ITGA10: variants seen among roughly 807,000 people sequenced by gnomAD.
ITGA10 encodes integrin alpha-10.
Under a neutral mutation model 145.2 loss-of-function variants are expected in ITGA10, and 105 were observed. The observed-to-expected ratio is 0.72, with a 90% CI of 0.62 to 0.85. ITGA10 has a LOEUF of 0.85. Among genes scored for constraint, ITGA10 ranks in the 40% least tolerant of loss-of-function variants. ITGA10 has a pLI of 0.00. For synonymous variants in ITGA10, 506 were observed against 557.8 expected (o/e 0.91, Z 1.31); for missense variants, 1,317 against 1,444.5 (o/e 0.91, Z 1.43).
intron 1 of ITGA10, among the ~76,000 whole-genome samples, chr1:145,908,372 CAT>C (rs1553752094): frequency 2.6e-5 from 4 of 152,170 alleles, no homozygotes; most frequent in Admixed American, 1.3e-4. Flanking sequence ...TGCCCACACA[CAT>C]AGTTTGCCAT....
Position 145,907,639 on chromosome 1 carries a change from C to CACAGAG in ITGA10, c.53-175_53-174insCTCTGT, listed in dbSNP as rs1553751830. On this transcript the variant is annotated intron_variant, in intron 1 of 29. Coordinates refer to ENST00000369304, the MANE Select transcript of ITGA10 (RefSeq NM_003637.5). ...TCAGAGCTCCAGGCAAAGATGATTC[C>CACAGAG]CTTCCTGTGTTTGTGTCCAGATGCC... is the stretch of plus-strand genomic sequence containing the variant. 1.6e-4 allele frequency: 159 copies of CACAGAG among 982,984 alleles called. 1 individual carries two copies. The highest frequency in any genetic ancestry group is 8.2e-4 in the African/African-American group (47 of 57,228). The allele number at this position is 982,984 out of a possible 1,614,324, so 60.9% of individuals were successfully genotyped here. A position where few individuals can be genotyped will look rare whatever the true frequency, so the allele number is the denominator to read the frequency against.
At chr1:145,903,030 C>G (rs28485242) in intron 7 of ITGA10, 69 bp from the exon 8 acceptor site, 14 of 611,774 alleles carry the variant, frequency 2.3e-5, no homozygotes, top group African/African-American at 1.0e-4. Flanking sequence ...CACATACACA[C>G]ACACACACAC....
intron 23 of ITGA10, 78 bp from the exon 24 acceptor site, chr1:145,896,430 G>T: frequency 8.8e-7 from 1 of 1,132,412 alleles, no homozygotes. Flanking sequence ...GCACACAGAC[G>T]TGGATTCAGA....
chr1:145,910,050 T>C lies in ITGA10; in HGVS notation c.-36A>G. 1 of 1,567,592 alleles carries C rather than the reference T, an allele frequency of 6.4e-7. No homozygotes were observed. The highest frequency in any genetic ancestry group is 8.8e-7 in the Non-Finnish European group (1 of 1,138,368). On this transcript the variant is annotated 5_prime_UTR_variant, in exon 1 of 30. Transcript: ENST00000369304. ...TTTCTGTCCAGTATGAGAAGTCCTC[T>C]GGCCTCTGTCCCTCTCCTTTTCTGT...
chr1:145,901,310 G>T lies in ITGA10; in HGVS notation c.1444-32C>A. On this transcript the variant is annotated intron_variant, in intron 12 of 29. Transcript: ENST00000369304. This position sits in a 1 kb window ranked among gnomAD's most constrained non-coding sequence, Gnocchi z 4.3. ...AATGGTGGGTGATGATGACCCCAGAGAAAAGGGAAGGTAACTGTAGACAAG... is the reference window on the plus strand; with the variant it reads ...AATGGTGGGTGATGATGACCCCAGATAAAAGGGAAGGTAACTGTAGACAAG... 6.2e-7 allele frequency: 1 copy of T among 1,611,958 alleles called. No individual in the cohort carries two copies. The highest frequency in any genetic ancestry group is 8.5e-7 in the Non-Finnish European group (1 of 1,178,602).
In ITGA10 at chr1:145,893,177, A is replaced by C. The variant is rs1553743747; in HGVS notation, c.3422T>G (p.Val1141Gly). ...LGGLLLLALL[V>G]FCLWKLGFFA... ...AGTGCTTACCTTCCACAGGCAGAAG[A>C]CAAGGAGAGCAAGCAGGAGCAACCC... is the stretch of plus-strand genomic sequence containing the variant. Residue 1141 changes from valine to glycine, a missense_variant, in exon 29 of 30, where the codon GTC becomes GGC. Coordinates refer to ENST00000369304, the MANE Select transcript of ITGA10 (RefSeq NM_003637.5). 1.2e-6 allele frequency: 2 copies of C among 1,612,654 alleles called. No individual in the cohort carries two copies. The highest frequency in any genetic ancestry group is 1.7e-6 in the Non-Finnish European group (2 of 1,178,684).
At chr1:145,900,251 C>T in intron 14 of ITGA10, 64 bp from the exon 15 acceptor site, 2 of 1,476,426 alleles carry the variant, frequency 1.4e-6, no homozygotes, top group South Asian at 1.4e-5. Flanking sequence ...GGCCTCCTGC[C>T]TTGCTCTTTC....
In ITGA10 at chr1:145,904,179, C is replaced by T. The variant is rs782502872; in HGVS notation, c.631G>A (p.Glu211Lys). The part of the protein sequence containing the change: ...QIQVGLVQYG[E>K]SPVHEWSLGD... ...AGGGACCACTCATGTACAGGGCTCTCCCCATACTGTACCAGTCCCACCTGG... is the reference window on the plus strand; with the variant it reads ...AGGGACCACTCATGTACAGGGCTCTTCCCATACTGTACCAGTCCCACCTGG... Residue 211 changes from glutamate (E) to lysine (K), a missense_variant, in exon 7 of 30, where the codon GAG becomes AAG. Transcript: ENST00000369304. The T allele has an allele frequency of 6.2e-7, 1 of 1,614,120 alleles. No homozygotes were observed. The highest frequency in any genetic ancestry group is 1.1e-5 in the South Asian group (1 of 91,078).
intron 21 of ITGA10, 79 bp from the exon 22 acceptor site, chr1:145,897,166 C>A: frequency 6.4e-7 from 1 of 1,564,526 alleles, no homozygotes; most frequent in Non-Finnish European, 8.8e-7. Context: ...CTTGTGCGCC[C>A]CCTTCCCTGA....
chr1:145,902,224 T>G (rs1656438812), intron 10 of ITGA10, 22 bp downstream of exon 10: 1 of 1,612,026 alleles, frequency 6.2e-7, no homozygotes, highest in Non-Finnish European at 8.5e-7. Flanking sequence ...GGAGAAGTAA[T>G]GAAGGGGTCA....
intron 1 of ITGA10, among the ~76,000 whole-genome samples, chr1:145,907,999 T>C (rs1311020553): frequency 6.6e-6 from 1 of 151,966 alleles, no homozygotes; most frequent in Non-Finnish European, 1.5e-5. Flanking sequence ...CTCGATCTCC[T>C]GACCTCATGA....
rs782065459 is a variant in ITGA10, at chr1:145,896,850, A to G, written c.2753T>C (p.Leu918Pro). The G allele has an allele frequency of 3.3e-5, 53 of 1,613,554 alleles. No homozygotes were observed. Among genetic ancestry groups the G allele is most frequent in the South Asian group, 3.0e-4 (27 of 91,076 alleles). ...ATCTTGAAGGGTCCCATTTCTCTCCAGGCTGTCACTGTAGGGTCAGAGGGG... is the reference window on the plus strand; with the variant it reads ...ATCTTGAAGGGTCCCATTTCTCTCCGGGCTGTCACTGTAGGGTCAGAGGGG... ...FVKLTASSDS[L>P]ERNGTLQDNT... The change falls in exon 23 of 30, where the codon CTG (leucine) becomes CCG (proline). Residue 918 changes from leucine to proline, a missense_variant. Coordinates refer to ENST00000369304, the MANE Select transcript of ITGA10 (RefSeq NM_003637.5).
intron 27 of ITGA10, among the ~76,000 whole-genome samples, chr1:145,894,720 A>T (rs1482086656): frequency 6.6e-6 from 1 of 152,172 alleles, no homozygotes; most frequent in Non-Finnish European, 1.5e-5. Flanking sequence ...CGTAATCTAG[A>T]TCCCTCTCAC....
chr1:145,891,971 GCCTAGGTACACCCAGTCCTCCCTGCTA>G lies in ITGA10; in HGVS notation c.*800_*826del, dbSNP rs1654793938. 1 of 152,306 alleles carries G rather than the reference GCCTAGGTACACCCAGTCCTCCCTGCTA, an allele frequency of 6.6e-6. No individual in the cohort carries two copies. Among genetic ancestry groups the G allele is most frequent in the Non-Finnish European group, 1.5e-5 (1 of 68,074 alleles). 9.4% of individuals were successfully genotyped at this position (152,306 alleles called of 1,614,324 possible). On this transcript the variant is annotated 3_prime_UTR_variant, in exon 30 of 30. Transcript: ENST00000369304. ...ACTTGAGAGAAGTAGAGAAAATACT[GCCTAGGTACACCCAGTCCTCCCTGCTA>G]TTCCAGCTCCAGCCACCTGAGGGCT... is the stretch of plus-strand genomic sequence containing the variant.
rs185371685 is a variant in ITGA10, at chr1:145,907,524, G to A, written c.53-59C>T. 409 of 1,603,494 alleles carry A rather than the reference G, an allele frequency of 2.6e-4. 2 individuals carry two copies. In the African/African-American group the frequency reaches 4.0e-3, roughly 16 times the overall value. On this transcript the variant is annotated intron_variant, in intron 1 of 29. Transcript: ENST00000369304. ...TAGTGAATGGCTAGAGGCACAGCCC[G>A]AGAGAAGCTGTGAGGAAGCGTCTTA... is the stretch of plus-strand genomic sequence containing the variant.
Position 145,899,259 on chromosome 1 carries a change from G to A in ITGA10, c.2005C>T (p.Arg669Ter), listed in dbSNP as rs782187575. 195 of 1,614,108 alleles carry A rather than the reference G, an allele frequency of 1.2e-4. No individual in the cohort carries two copies. Among genetic ancestry groups the A allele is most frequent in the Non-Finnish European group, 1.6e-4 (184 of 1,180,048 alleles). Residue 669 changes from arginine (R) to a stop codon, truncating the protein, a stop_gained, in exon 16 of 30, where the codon CGA becomes TGA. Coordinates refer to ENST00000369304, the MANE Select transcript of ITGA10 (RefSeq NM_003637.5). LOFTEE classifies it high-confidence loss of function. The part of the protein sequence containing the change: ...ISVVQRDCRR[R>*]GQEAVCLTAA... ...GTCAGACAGACTGCCTCTTGGCCTC[G>A]CCGCCTACAGTCCCTCTGAACCACA...
rs587674661 is a variant in ITGA10 at position 145,896,057 on chromosome 1, T to C, written c.2959A>G (p.Ile987Val). 1.2e-6 allele frequency: 2 copies of C among 1,614,124 alleles called. No individual in the cohort carries two copies. The highest frequency in any genetic ancestry group is 4.5e-5 in the East Asian group (2 of 44,874). ...LGCYVVSGLI[I>V]SALLPAVAHG... ...GCCACAGCTGGAAGGAGGGCTGAGA[T>C]GATGAGGCCACTGACCACATAGCAG... Residue 987 changes from isoleucine (I) to valine (V), a missense_variant, in exon 25 of 30, where the codon ATC becomes GTC. Physicochemically the swap from Ile to Val is conservative, Grantham distance 29. Transcript: ENST00000369304.
chr1:145,892,842 T>C lies in ITGA10; in HGVS notation c.3460A>G (p.Lys1154Glu). Reference protein sequence around the residue: ...LWKLGFFAHKKIPEEEKREEK... With the variant: ...LWKLGFFAHKEIPEEEKREEK... ...TCTCTTTTTTCTTCCTCAGGGATTTTCTTATGGGCAAAGAAGCCAAGCTGT... is the reference window on the plus strand; with the variant it reads ...TCTCTTTTTTCTTCCTCAGGGATTTCCTTATGGGCAAAGAAGCCAAGCTGT... Residue 1154 changes from lysine to glutamate, a missense_variant, in exon 30 of 30, where the codon AAA becomes GAA. Coordinates refer to ENST00000369304, the MANE Select transcript of ITGA10 (RefSeq NM_003637.5). 1 of 1,614,002 alleles carries C rather than the reference T, an allele frequency of 6.2e-7. No homozygotes were observed. Among genetic ancestry groups the C allele is most frequent in the Non-Finnish European group, 8.5e-7 (1 of 1,179,834 alleles).
chr1:145,906,860 G>T, intron 3 of ITGA10, 36 bp from the exon 4 acceptor site: 1 of 1,465,024 alleles, frequency 6.8e-7, no homozygotes, highest in East Asian at 2.3e-5. Flanking sequence ...TGAGATCATG[G>T]GGTCATAGAT....
Sources: allele counts gnomAD v4.1 joint callset (sites outside exome capture counted in the v4.1 genomes callset), GRCh38; gene constraint gnomAD v4.1.1; non-coding constraint Gnocchi (gnomAD v3.1); transcripts MANE v1.5; gene names NCBI Gene and HGNC (gene_info 2026-07-23, HGNC 2026-07-21).